CIB2: variants seen among roughly 807,000 people sequenced by gnomAD.
The protein encoded by CIB2 is calcium and integrin-binding family member 2.
Under a neutral mutation model 23.1 loss-of-function variants are expected in CIB2, and 19 were observed. That is an observed-to-expected ratio of 0.82 (90% CI 0.57 to 1.21). The LOEUF (loss-of-function observed/expected upper bound fraction) is 1.21. Ranked by LOEUF, CIB2 falls within the 50% of genes most tolerant of loss-of-function variation. The pLI is 0.00. For synonymous variants in CIB2, 94 were observed against 91.7 expected (o/e 1.03, Z -0.14); for missense variants, 220 against 241.5 (o/e 0.91, Z 0.59).
chr15:78,120,960 G>A (rs945631574), intron 2 of CIB2, among the ~76,000 whole-genome samples: 1 of 152,146 alleles, frequency 6.6e-6, no homozygotes, highest in African/African-American at 2.4e-5. Flanking sequence ...CCAGGCCTCA[G>A]TTTTGTCACC....
At position 78,109,313 on chromosome 15, in the gene CIB2, C is replaced by T. The variant is rs780146135; in HGVS notation, c.268G>A (p.Asp90Asn). The stretch of plus-strand genomic sequence containing the variant: ...AGCACGGAAAACATGTCCACAAAGT[C>T]GTTGAAAGTGAGGTTCCCCTCACCA... ...EDGEGNLTFNDFVDMFSVLCE... is the reference protein window; with the variant it reads ...EDGEGNLTFNNFVDMFSVLCE... Residue 90 changes from aspartate to asparagine, a missense_variant, in exon 4 of 6, where the codon GAC becomes AAC. Physicochemically the swap from Asp to Asn is conservative, Grantham distance 23 (BLOSUM62 1). Coordinates refer to ENST00000258930, the MANE Select transcript of CIB2 (RefSeq NM_006383.4). 1.5e-5 allele frequency: 25 copies of T among 1,613,790 alleles called. No homozygotes were observed. Among genetic ancestry groups the T allele is most frequent in the Middle Eastern group, 1.6e-4 (1 of 6,084 alleles).
Position 78,121,202 on chromosome 15 carries a change from T to C in CIB2, c.86+2503A>G, listed in dbSNP as rs192828681. On this transcript the variant is annotated intron_variant, in intron 2 of 5. Coordinates refer to ENST00000258930, the MANE Select transcript of CIB2 (RefSeq NM_006383.4). ...AAACTCCAGGTAGCTCTTTTCATGT[T>C]TAATAACACCATCACCCAGCCCTCC... Among the ~76,000 whole-genome samples, 102 of 152,288 alleles carry C rather than the reference T, an allele frequency of 6.7e-4. 1 individual carries two copies. The highest frequency in any genetic ancestry group is 1.2e-3 in the Non-Finnish European group (79 of 68,010).
At chr15:78,109,702 G>C (rs995190915) in intron 3 of CIB2, among the ~76,000 whole-genome samples, 3 of 151,074 alleles carry the variant, frequency 2.0e-5, no homozygotes, top group African/African-American at 7.3e-5. Flanking sequence ...CGCTATTTGG[G>C]AGACTGAGGT....
chr15:78,106,229 CAG>C (rs1208891745), intron 4 of CIB2, among the ~76,000 whole-genome samples: 1 of 152,164 alleles, frequency 6.6e-6, no homozygotes, highest in African/African-American at 2.4e-5. Flanking sequence ...AGGCTTAGGC[CAG>C]ATAGCCCTTC....
chr15:78,105,754 G>A lies in CIB2; in HGVS notation c.527C>T (p.Ala176Val), dbSNP rs2074058488. Residue 176 changes from alanine to valine, a missense_variant, in exon 5 of 6, where the codon GCC (alanine) becomes GTC (valine). Transcript: ENST00000258930. ...FADFEDMIAK[A>V]PDFLSTFHIR... ...GTGGCAGCACCTGAGGAAGTCAGGG[G>A]CCTTGGCAATCATGTCCTCGAAGTC... 10 of 1,614,024 alleles carry A rather than the reference G, an allele frequency of 6.2e-6. No individual in the cohort carries two copies. Among genetic ancestry groups the A allele is most frequent in the Non-Finnish European group, 8.5e-6 (10 of 1,180,032 alleles).
chr15:78,128,375 G>A (rs965549954), intron 1 of CIB2, among the ~76,000 whole-genome samples: 1 of 152,308 alleles, frequency 6.6e-6, no homozygotes, highest in South Asian at 2.1e-4. Context: ...AAGGGAAAGG[G>A]AGTAAGAAAT....
In CIB2 at chr15:78,105,161, G is replaced by T. The variant is rs2074046533; in HGVS notation, c.*150C>A. On this transcript the variant is annotated 3_prime_UTR_variant, in exon 6 of 6. Coordinates refer to ENST00000258930, the MANE Select transcript of CIB2 (RefSeq NM_006383.4). The stretch of plus-strand genomic sequence containing the variant: ...TTCACAGGCCCCCTTCCTGGTTAAG[G>T]TTTTTTTTTTGCTGAAAGGGCCACA... 1 of 933,714 alleles carries T rather than the reference G, an allele frequency of 1.1e-6. No individual in the cohort carries two copies. Among genetic ancestry groups the T allele is most frequent in the Non-Finnish European group, 1.5e-6 (1 of 652,820 alleles). 57.8% of individuals were successfully genotyped at this position (933,714 alleles called of 1,614,324 possible). A position where few individuals can be genotyped will look rare whatever the true frequency, so the allele number is the denominator to read the frequency against.
intron 2 of CIB2, among the ~76,000 whole-genome samples, chr15:78,116,413 G>C (rs1455398777): frequency 6.6e-6 from 1 of 151,406 alleles, no homozygotes; most frequent in African/African-American, 2.4e-5. Flanking sequence ...GCTGCAGTGA[G>C]CCATGATCGC....
At chr15:78,111,127 C>T in intron 3 of CIB2, 38 bp downstream of exon 3, 1 of 1,579,152 alleles carries the variant, frequency 6.3e-7, no homozygotes, top group African/African-American at 1.3e-5. Flanking sequence ...TCCAGAGGCA[C>T]AGATCCCCTG....
upstream of CIB2, chr15:78,131,494 A>T (rs2074457092): frequency 6.3e-6 from 1 of 158,372 alleles, no homozygotes. The surrounding 1 kb of genome is among the most constrained non-coding windows in gnomAD (Gnocchi z 5.8). Flanking sequence ...TCCCGGCAGG[A>T]GGCGACCTGG....
rs370337737 is a variant in CIB2, at chr15:78,126,150, C to CT, written c.52-2412dup. Among the ~76,000 whole-genome samples, 424 of 138,922 alleles carry CT rather than the reference C, an allele frequency of 3.1e-3. 2 individuals are homozygous for CT. Among genetic ancestry groups the CT allele is most frequent in the Middle Eastern group, 3.7e-3 (1 of 268 alleles). 91.1% of individuals were successfully genotyped at this position (138,922 alleles called of 152,430 possible). On this transcript the variant is annotated intron_variant, in intron 1 of 5. Coordinates refer to ENST00000258930, the MANE Select transcript of CIB2 (RefSeq NM_006383.4). ...GCTTCCCTTTCCCCTGCCCCCCCCC[C>CT]TTTTTTTTTTGAGACGGAGTCTTGC...
In CIB2 at chr15:78,105,329, A is replaced by C. The variant is rs150209911; in HGVS notation, c.546T>G (p.Thr182=). The C allele has an allele frequency of 6.2e-7, 1 of 1,613,916 alleles. No homozygotes were observed. Among genetic ancestry groups the C allele is most frequent in the African/African-American group, 1.3e-5 (1 of 74,894 alleles). Residue 182 remains threonine, a synonymous_variant, in exon 6 of 6, where the codon ACT becomes ACG. Transcript: ENST00000258930. ...MIAKAPDFLS[T]FHIRI is the part of the protein sequence containing the mutation. ...AGTGTCCTCAGATCCGGATGTGGAA[A>C]GTGCTAGAAAGAGAGAAAGGGCAAG...
chr15:78,114,512 T>G (rs931751358), intron 2 of CIB2, among the ~76,000 whole-genome samples: 1 of 152,120 alleles, frequency 6.6e-6, no homozygotes, highest in Non-Finnish European at 1.5e-5. Context: ...CCCCCGAGTA[T>G]GAGGCAAGAA....
At chr15:78,120,918 G>A (rs1372511997) in intron 2 of CIB2, among the ~76,000 whole-genome samples, 4 of 152,218 alleles carry the variant, frequency 2.6e-5, no homozygotes, top group African/African-American at 9.6e-5. Context: ...TGGATAGCCT[G>A]GCTCTGCAGC....
intron 3 of CIB2, among the ~76,000 whole-genome samples, chr15:78,110,148 T>C (rs1266608772): frequency 1.3e-5 from 2 of 152,250 alleles, no homozygotes; most frequent in Non-Finnish European, 2.9e-5. Context: ...CCTTGGATGC[T>C]GCCTCTCCCA....
intron 4 of CIB2, among the ~76,000 whole-genome samples, chr15:78,107,110 C>T (rs1184198596): frequency 6.6e-6 from 1 of 152,078 alleles, no homozygotes; most frequent in Non-Finnish European, 1.5e-5. Flanking sequence ...TGGTGGACGC[C>T]TGTAGTCCCA....
At chr15:78,123,825 G>T in intron 1 of CIB2, 86 bp from the exon 2 acceptor site, 1 of 1,472,312 alleles carries the variant, frequency 6.8e-7, no homozygotes, top group South Asian at 1.1e-5. Context: ...AGGGCTCACA[G>T]GGGATAGCTC....
chr15:78,131,171 G>T lies in CIB2; in HGVS notation c.45C>A (p.Asn15Lys). The T allele has an allele frequency of 6.3e-7, 1 of 1,591,482 alleles. No individual in the cohort carries two copies. Residue 15 changes from asparagine to lysine, a missense_variant, in exon 1 of 6, where the codon AAC (asparagine) becomes AAA (lysine). Asn to Lys is a moderately conservative substitution (Grantham distance 94). Coordinates refer to ENST00000258930, the MANE Select transcript of CIB2 (RefSeq NM_006383.4). This position sits in a 1 kb window ranked among gnomAD's most constrained non-coding sequence, Gnocchi z 5.8. ...CCGGGCGCGCCGAGCTCACCTGGTA[G>T]TTGTCTAGCTGCTCTTCGGTGAAGA... ...QTIFTEEQLD[N>K]YQDCTFFNKK...
At chr15:78,130,814 G>A (rs1344837207) in intron 1 of CIB2, among the ~76,000 whole-genome samples, 1 of 152,188 alleles carries the variant, frequency 6.6e-6, no homozygotes, top group Admixed American at 6.5e-5. Flanking sequence ...GGCAGGGAGC[G>A]GGGAGGGCGG....
Sources: allele counts gnomAD v4.1 joint callset (sites outside exome capture counted in the v4.1 genomes callset), GRCh38; gene constraint gnomAD v4.1.1; non-coding constraint Gnocchi (gnomAD v3.1); transcripts MANE v1.5; gene names NCBI Gene and HGNC (gene_info 2026-07-23, HGNC 2026-07-21).